The following ELAVL2 variants were observed in gnomAD, a reference collection of about 807,000 sequenced individuals.
The protein encoded by ELAVL2 is ELAV like RNA binding protein 2.
ELAVL2 carries 4 observed loss-of-function variants against 34.6 expected under a neutral mutation model. The observed-to-expected ratio is 0.12, with a 90% confidence interval of 0.06 to 0.26. The LOEUF (loss-of-function observed/expected upper bound fraction) is 0.26, where lower values mean the gene tolerates loss of function less well. Ranked by LOEUF, ELAVL2 falls within the 10% of genes least tolerant of loss-of-function variation. The pLI, the probability that ELAVL2 is intolerant of heterozygous loss-of-function variation, is 1.00. For missense variants in ELAVL2, 432 were observed against 442.8 expected (o/e 0.98, Z 0.22); for synonymous variants, 193 against 154.8 (o/e 1.25, Z -1.83).
intron 1 of ELAVL2, among the ~76,000 whole-genome samples, chr9:23,802,943 G>A (rs1481640586): frequency 4.1e-4 from 62 of 151,982 alleles, no homozygotes; most frequent in Non-Finnish European, 4.4e-5. Flanking sequence ...TTCTTATACA[G>A]TAAATATTTA....
At chr9:23,804,624 T>A (rs976521313) in intron 1 of ELAVL2, among the ~76,000 whole-genome samples, 1 of 152,216 alleles carries the variant, frequency 6.6e-6, no homozygotes, top group Non-Finnish European at 1.5e-5. Flanking sequence ...AGATAGAAAT[T>A]GCTGGTTTGT....
intron 1 of ELAVL2, among the ~76,000 whole-genome samples, chr9:23,817,964 T>C (rs2063949702): frequency 6.6e-6 from 1 of 152,358 alleles, no homozygotes; most frequent in African/African-American, 2.4e-5. Context: ...ATTTACGTTA[T>C]GTGAAATCCT....
At chr9:23,839,264 T>C in the ELAVL2 span, among the ~76,000 whole-genome samples, 1 of 151,950 alleles carries the variant, frequency 6.6e-6, no homozygotes, top group East Asian at 1.9e-4. Flanking sequence ...AATTTTCAGA[T>C]ATGAATGACG....
chr9:23,820,742 A>AC (rs1441502260), intron 1 of ELAVL2, among the ~76,000 whole-genome samples: 1 of 151,688 alleles, frequency 6.6e-6, no homozygotes, highest in East Asian at 1.9e-4. Flanking sequence ...TAGTCCGTGC[A>AC]CCCCGGCCGC....
At chr9:23,771,248 T>G (rs564008671) in intron 1 of ELAVL2, among the ~76,000 whole-genome samples, 130 of 152,278 alleles carry the variant, frequency 8.5e-4, no homozygotes, top group African/African-American at 3.1e-3. Context: ...ACATTTTAAT[T>G]ACATCAGTAC....
intron 1 of ELAVL2, among the ~76,000 whole-genome samples, chr9:23,773,800 C>T (rs1168569299): frequency 1.3e-5 from 2 of 152,156 alleles, no homozygotes; most frequent in African/African-American, 4.8e-5. Flanking sequence ...ATTACATATA[C>T]ATATTTTGTC....
chr9:23,749,104 T>A, intron 2 of ELAVL2, among the ~76,000 whole-genome samples: 1 of 152,244 alleles, frequency 6.6e-6, no homozygotes, highest in Non-Finnish European at 1.5e-5. Context: ...GTCACTGAAC[T>A]GTAAACTTGA....
chr9:23,819,697 A>T (rs975787844), intron 1 of ELAVL2, among the ~76,000 whole-genome samples: 4 of 152,204 alleles, frequency 2.6e-5, no homozygotes, highest in African/African-American at 7.2e-5. Flanking sequence ...TACCCAAATA[A>T]CAGGCAACAA....
chr9:23,701,640 G>T, intron 4 of ELAVL2, 36 bp from the exon 5 acceptor site: 1 of 1,598,726 alleles, frequency 6.3e-7, no homozygotes, highest in Middle Eastern at 1.7e-4. Flanking sequence ...GGAAAAGAGG[G>T]AACAGAAGGA....
chr9:23,842,720 T>C, the ELAVL2 span, among the ~76,000 whole-genome samples: 1 of 152,112 alleles, frequency 6.6e-6, no homozygotes, highest in Non-Finnish European at 1.5e-5. Flanking sequence ...CACTATTTAT[T>C]GTATCCACTA....
At chr9:23,781,280 T>C (rs994599886) in intron 1 of ELAVL2, among the ~76,000 whole-genome samples, 87 of 152,296 alleles carry the variant, frequency 5.7e-4, no homozygotes, top group African/African-American at 2.1e-3. Flanking sequence ...ACATCTTTAA[T>C]TTATGGTAAG....
intron 2 of ELAVL2, among the ~76,000 whole-genome samples, chr9:23,760,647 A>C (rs754604648): frequency 1.3e-5 from 2 of 152,046 alleles, no homozygotes; most frequent in East Asian, 3.9e-4. Flanking sequence ...AAATTGAAAA[A>C]TCTCATCCAT....
chr9:23,790,453 A>ATCGGC (rs1422762391), intron 1 of ELAVL2, among the ~76,000 whole-genome samples: 1 of 152,192 alleles, frequency 6.6e-6, no homozygotes, highest in Non-Finnish European at 1.5e-5. Flanking sequence ...TTACAGGCAT[A>ATCGGC]TCGGCTGCTC....
chr9:23,731,180 A>T, intron 2 of ELAVL2, 55 bp from the exon 3 acceptor site: 3 of 1,487,690 alleles, frequency 2.0e-6, no homozygotes, highest in Non-Finnish European at 2.7e-6. Flanking sequence ...GTTGACAGAG[A>T]TCAACTTTCA....
rs115927437 is a variant in ELAVL2 at position 23,692,921 on chromosome 9, A to G, written c.753-37T>C. On this transcript the variant is annotated intron_variant, in intron 6 of 6. Coordinates refer to ENST00000397312, the MANE Select transcript of ELAVL2 (RefSeq NM_004432.5). ...AATAGGAAATACACACATACACACA[A>G]AAAATAAAAACAGAGGTTGGTTATA... 5,965 of 1,580,168 alleles carry G rather than the reference A, an allele frequency of 3.8e-3. 195 individuals are homozygous for G. In the African/African-American group the frequency reaches 0.071, roughly 19 times the overall value.
the ELAVL2 span, among the ~76,000 whole-genome samples, chr9:23,839,078 A>T: frequency 6.6e-6 from 1 of 152,154 alleles, no homozygotes; most frequent in Non-Finnish European, 1.5e-5. Flanking sequence ...ATGACCAAGA[A>T]TCTAACAAGA....
chr9:23,745,586 G>T (rs577719568), intron 2 of ELAVL2, among the ~76,000 whole-genome samples: 29 of 152,232 alleles, frequency 1.9e-4, no homozygotes, highest in African/African-American at 7.0e-4. Flanking sequence ...AACTAGACTT[G>T]CATCTTTTCA....
intron 1 of ELAVL2, among the ~76,000 whole-genome samples, chr9:23,812,193 C>T (rs1206404351): frequency 2.6e-5 from 4 of 152,024 alleles, no homozygotes; most frequent in African/African-American, 7.2e-5. Flanking sequence ...GTAAAGGGCA[C>T]TTTATACAAG....
intron 2 of ELAVL2, among the ~76,000 whole-genome samples, chr9:23,754,453 T>C: frequency 6.6e-6 from 1 of 152,216 alleles, no homozygotes; most frequent in East Asian, 1.9e-4. Context: ...AAGTTTTTTT[T>C]TTTTATTATT....
Sources: gnomAD v4.1 joint callset for allele counts (sites outside exome capture counted in the v4.1 genomes callset) on GRCh38, gnomAD v4.1.1 for gene constraint, MANE v1.5 for transcripts, NCBI Gene and HGNC (gene_info 2026-07-23, HGNC 2026-07-21) for gene names.